The following TMCC1 variants were observed in gnomAD, a reference collection of about 807,000 sequenced individuals.
TMCC1 encodes transmembrane and coiled-coil domains protein 1.
TMCC1 carries 15 observed loss-of-function variants against 52.4 expected under a neutral mutation model. That is an observed-to-expected ratio of 0.29 (90% CI 0.19 to 0.44). The LOEUF is 0.44. TMCC1 is among the 20% of genes least tolerant of loss of function. The pLI is 1.00. For missense variants in TMCC1, 503 were observed against 806.0 expected (o/e 0.62, Z 4.55); for synonymous variants, 279 against 301.9 (o/e 0.92, Z 0.79).
intron 4 of TMCC1, chr3:129,818,943 G>A (rs1460243534): frequency 6.5e-6 from 1 of 152,964 alleles, no homozygotes; most frequent in African/African-American, 2.4e-5. Flanking sequence ...GCTGGTCCAA[G>A]TGCAGTAATG....
At chr3:129,753,529 GCTAGA>G (rs1191498076) in intron 4 of TMCC1, among the ~76,000 whole-genome samples, 2 of 152,160 alleles carry the variant, frequency 1.3e-5, no homozygotes, top group South Asian at 4.1e-4. Flanking sequence ...TCCTAGGAAT[GCTAGA>G]CTAGTTACAC....
At chr3:129,710,883 G>T (rs1412802375) in intron 4 of TMCC1, among the ~76,000 whole-genome samples, 1 of 152,092 alleles carries the variant, frequency 6.6e-6, no homozygotes, top group Admixed American at 6.5e-5. Context: ...TTATTTTCTT[G>T]AGATGGAGTC....
chr3:129,870,548 G>T (rs998486266), intron 2 of TMCC1, among the ~76,000 whole-genome samples: 18 of 151,462 alleles, frequency 1.2e-4, no homozygotes, highest in African/African-American at 3.6e-4. Context: ...GATCATCCTG[G>T]CTAACATGGT....
At chr3:129,857,541 T>A (rs571252700) in intron 2 of TMCC1, 11 of 152,350 alleles carry the variant, frequency 7.2e-5, no homozygotes, top group African/African-American at 2.4e-4. Context: ...TACTTTGTAA[T>A]GTCCAAGTAC....
intron 4 of TMCC1, among the ~76,000 whole-genome samples, chr3:129,799,862 C>T (rs2057074631): frequency 6.6e-6 from 1 of 152,132 alleles, no homozygotes; most frequent in Non-Finnish European, 1.5e-5. Context: ...AATATCATAC[C>T]TATACACAAA....
intron 5 of TMCC1, among the ~76,000 whole-genome samples, chr3:129,667,097 G>T (rs562541246): frequency 6.6e-6 from 1 of 151,170 alleles, no homozygotes; most frequent in Non-Finnish European, 1.5e-5. Flanking sequence ...TAGAGATGGG[G>T]TTTCACCATG....
At chr3:129,877,624 CTTTT>C (rs760525326) in intron 2 of TMCC1, among the ~76,000 whole-genome samples, 2 of 126,906 alleles carry the variant, frequency 1.6e-5, no homozygotes, top group Non-Finnish European at 3.3e-5. Flanking sequence ...ATCCCTAAGT[CTTTT>C]TTTTTTTTTT....
intron 2 of TMCC1, among the ~76,000 whole-genome samples, chr3:129,867,610 A>C (rs140612482): frequency 1.2e-3 from 180 of 152,332 alleles, no homozygotes; most frequent in African/African-American, 3.8e-3. Flanking sequence ...TGTGGGTAGA[A>C]AATCTAATGT....
At chr3:129,752,382 A>C (rs1375587868) in intron 4 of TMCC1, among the ~76,000 whole-genome samples, 1 of 152,244 alleles carries the variant, frequency 6.6e-6, no homozygotes, top group African/African-American at 2.4e-5. Flanking sequence ...AGTCATCATC[A>C]GAATCAAAAC....
chr3:129,672,502 A>T (rs575812207), intron 4 of TMCC1, among the ~76,000 whole-genome samples: 80 of 152,152 alleles, frequency 5.3e-4, no homozygotes, highest in African/African-American at 1.9e-3. Context: ...AGGGAAGCTG[A>T]GGTGGGAGGA....
At chr3:129,874,295 T>C (rs982345446) in intron 2 of TMCC1, among the ~76,000 whole-genome samples, 4 of 152,246 alleles carry the variant, frequency 2.6e-5, no homozygotes, top group Non-Finnish European at 5.9e-5. Context: ...AAATTATTGT[T>C]TGCCTACCAG....
At chr3:129,859,043 A>C (rs1419890389) in intron 2 of TMCC1, among the ~76,000 whole-genome samples, 2 of 152,222 alleles carry the variant, frequency 1.3e-5, no homozygotes, top group Admixed American at 1.3e-4. Context: ...GAAAAATAAC[A>C]TGAAGGAACA....
At chr3:129,837,759 CTAATG>C (rs2059231984) in intron 2 of TMCC1, among the ~76,000 whole-genome samples, 1 of 152,006 alleles carries the variant, frequency 6.6e-6, no homozygotes, top group Non-Finnish European at 1.5e-5. Flanking sequence ...AGTAAAAACT[CTAATG>C]AAAGAGGTAG....
rs530963819 is a variant in TMCC1 at position 129,761,061 on chromosome 3, C to T, written c.576+66742G>A. ...CCTGTGCTGGCCGGGCGCGGTGGCT[C>T]ACGCCTGTAATCCCAGCACTTTGGG... On this transcript the variant is annotated intron_variant, in intron 4 of 6. Coordinates refer to ENST00000393238, the MANE Select transcript of TMCC1 (RefSeq NM_001017395.5). 4.5e-4 allele frequency among the ~76,000 whole-genome samples: 69 copies of T among 151,828 alleles called. 2 individuals are homozygous for T. The South Asian group carries it at 9.8e-3, about 22-fold the overall frequency.
rs946990249 is a variant in TMCC1 at position 129,736,173 on chromosome 3, G to A, written c.577-64909C>T. ...CACCTGAGTTAAGGCTGTGGATCTCGTGCAGGGATTGTGAGGAGGATGAGC... is the reference window on the plus strand; with the variant it reads ...CACCTGAGTTAAGGCTGTGGATCTCATGCAGGGATTGTGAGGAGGATGAGC... On this transcript the variant is annotated intron_variant, in intron 4 of 6. Transcript: ENST00000393238. Among the ~76,000 whole-genome samples the A allele has an allele frequency of 1.1e-4, 16 of 152,286 alleles. No homozygotes were observed. The East Asian group carries it at 1.2e-3, about 11-fold the overall frequency.
intron 4 of TMCC1, among the ~76,000 whole-genome samples, chr3:129,778,016 G>C (rs1400618881): frequency 6.6e-6 from 1 of 152,092 alleles, no homozygotes; most frequent in Non-Finnish European, 1.5e-5. Flanking sequence ...CTAAACTCTA[G>C]TGATCAAGGC....
intron 4 of TMCC1, among the ~76,000 whole-genome samples, chr3:129,702,082 G>A (rs1576500979): frequency 6.6e-6 from 1 of 152,232 alleles, no homozygotes; most frequent in South Asian, 2.1e-4. Flanking sequence ...AGAATCAATT[G>A]TTTTCAGGAT....
chr3:129,666,214 A>C (rs186808620), intron 5 of TMCC1, among the ~76,000 whole-genome samples: 2 of 152,274 alleles, frequency 1.3e-5, no homozygotes, highest in African/African-American at 4.8e-5. Context: ...AGTGTGGAGA[A>C]GAAATGGAAA....
At chr3:129,846,730 T>C (rs192335287) in intron 2 of TMCC1, among the ~76,000 whole-genome samples, 16 of 152,034 alleles carry the variant, frequency 1.1e-4, no homozygotes, top group Non-Finnish European at 4.4e-5. Context: ...TAGACATTTA[T>C]GACTTTGAAG....
Sources: allele counts gnomAD v4.1 joint callset (sites outside exome capture counted in the v4.1 genomes callset), GRCh38; gene constraint gnomAD v4.1.1; transcripts MANE v1.5; gene names NCBI Gene and HGNC (gene_info 2026-07-23, HGNC 2026-07-21).